PARD3B: variants seen among roughly 807,000 people sequenced by gnomAD.
PARD3B encodes partitioning defective 3 homolog B.
A neutral mutation model predicts 130.2 loss-of-function variants in PARD3B; 103 were observed. That is an observed-to-expected ratio of 0.79 (90% CI 0.67 to 0.93). PARD3B has a LOEUF of 0.93. PARD3B is among the 40% of genes least tolerant of loss of function. PARD3B has a pLI of 0.00. For missense variants in PARD3B, 1,609 were observed against 1,499.2 expected (o/e 1.07, Z -1.21); for synonymous variants, 583 against 553.2 (o/e 1.05, Z -0.76).
intron 3 of PARD3B, among the ~76,000 whole-genome samples, chr2:205,005,931 T>C (rs1268706323): frequency 6.6e-6 from 1 of 152,194 alleles, no homozygotes; most frequent in Non-Finnish European, 1.5e-5. Context: ...TACACTGCAC[T>C]CAATGTGTAG....
intron 18 of PARD3B, among the ~76,000 whole-genome samples, chr2:205,391,418 C>T (rs1025431195): frequency 6.6e-6 from 1 of 152,148 alleles, no homozygotes; most frequent in Non-Finnish European, 1.5e-5. Context: ...ACTTAAAAAT[C>T]ATAATCATGA....
intron 2 of PARD3B, among the ~76,000 whole-genome samples, chr2:204,895,944 G>A (rs926629854): frequency 1.3e-5 from 2 of 152,124 alleles, no homozygotes; most frequent in South Asian, 2.1e-4. Context: ...TATAAACAAA[G>A]GATAGTACTA....
intron 3 of PARD3B, among the ~76,000 whole-genome samples, chr2:204,974,109 A>G (rs1691938421): frequency 1.3e-5 from 2 of 152,212 alleles, no homozygotes; most frequent in Non-Finnish European, 2.9e-5. Flanking sequence ...TAAAAATATC[A>G]GAATAAATTC....
At chr2:204,904,412 C>T (rs1414580232) in intron 2 of PARD3B, among the ~76,000 whole-genome samples, 1 of 152,116 alleles carries the variant, frequency 6.6e-6, no homozygotes, top group Non-Finnish European at 1.5e-5. Flanking sequence ...ACCAGTAACC[C>T]AGGGGATATT....
chr2:205,007,876 T>A (rs1695403688), intron 3 of PARD3B, among the ~76,000 whole-genome samples: 1 of 152,164 alleles, frequency 6.6e-6, no homozygotes, highest in African/African-American at 2.4e-5. Context: ...TTTAGAAGTG[T>A]TTAATTGTTT....
At chr2:204,903,890 A>G (rs1028431172) in intron 2 of PARD3B, among the ~76,000 whole-genome samples, 1 of 152,148 alleles carries the variant, frequency 6.6e-6, no homozygotes, top group Non-Finnish European at 1.5e-5. Flanking sequence ...CCTCTACTCA[A>G]TGCTGAGATT....
Position 204,797,444 on chromosome 2 carries a change from A to G in PARD3B, c.222+111162A>G, listed in dbSNP as rs912267803. 2.6e-5 allele frequency among the ~76,000 whole-genome samples: 4 copies of G among 152,170 alleles called. 1 individual carries two copies. The highest frequency in any genetic ancestry group is 9.7e-5 in the African/African-American group (4 of 41,448). On this transcript the variant is annotated intron_variant, in intron 2 of 22. Transcript: ENST00000406610. ...AATCAGTTCAAAAACATTTTGTATC[A>G]TGAGGAGCTAAACATGTCTTATTTT...
At chr2:205,294,533 A>T (rs576634187) in intron 16 of PARD3B, among the ~76,000 whole-genome samples, 1 of 152,300 alleles carries the variant, frequency 6.6e-6, no homozygotes, top group Admixed American at 6.5e-5. Flanking sequence ...ACATTTGAAC[A>T]CACTTGAAGG....
chr2:205,498,900 G>A lies in PARD3B; in HGVS notation c.3045-996G>A, dbSNP rs2050047687. On this transcript the variant is annotated intron_variant, in intron 20 of 22. Coordinates refer to ENST00000406610, the MANE Select transcript of PARD3B (RefSeq NM_001302769.2). ...TGACCCCATGCAAATCTCTGTAAGAGCACAAGTCATAATGGACTGTAGTCT... is the reference window on the plus strand; with the variant it reads ...TGACCCCATGCAAATCTCTGTAAGAACACAAGTCATAATGGACTGTAGTCT... 2.0e-5 allele frequency among the ~76,000 whole-genome samples: 3 copies of A among 152,178 alleles called. No homozygotes were observed. The South Asian group carries it at 6.2e-4, about 32-fold the overall frequency.
At chr2:204,990,817 T>C in intron 3 of PARD3B, among the ~76,000 whole-genome samples, 1 of 152,226 alleles carries the variant, frequency 6.6e-6, no homozygotes, top group African/African-American at 2.4e-5. Context: ...GAGACTCTTC[T>C]ACTTTATATA....
intron 19 of PARD3B, among the ~76,000 whole-genome samples, chr2:205,435,760 A>G (rs1211226541): frequency 6.6e-6 from 1 of 152,074 alleles, no homozygotes; most frequent in East Asian, 1.9e-4. Context: ...TGTGATTTTC[A>G]TTAGTTTTTT....
chr2:205,506,915 A>G (rs1029565540), intron 21 of PARD3B, among the ~76,000 whole-genome samples: 7 of 152,192 alleles, frequency 4.6e-5, no homozygotes, highest in African/African-American at 1.4e-4. Flanking sequence ...ACTTCAGGCA[A>G]AGCTGGATCC....
At chr2:205,270,332 G>T (rs1045353347) in intron 16 of PARD3B, among the ~76,000 whole-genome samples, 2 of 152,068 alleles carry the variant, frequency 1.3e-5, no homozygotes, top group Non-Finnish European at 2.9e-5. Flanking sequence ...ACTTTGGGAG[G>T]CCGAGGCAGG....
rs574963681 is a variant in PARD3B at position 205,219,951 on chromosome 2, A to C, written c.2141-25827A>C. Among the ~76,000 whole-genome samples the C allele has an allele frequency of 5.3e-5, 8 of 152,318 alleles. No homozygotes were observed. The South Asian group carries it at 1.2e-3, about 24-fold the overall frequency. On this transcript the variant is annotated intron_variant, in intron 15 of 22. Transcript: ENST00000406610. ...TTGTCACGTTTGTAGGAGCCACATA[A>C]CTTGGTAGGTTAGCAAATCACACTG...
intron 2 of PARD3B, among the ~76,000 whole-genome samples, chr2:204,807,784 A>G (rs1316227942): frequency 1.3e-5 from 2 of 152,078 alleles, no homozygotes; most frequent in African/African-American, 4.8e-5. Flanking sequence ...GCTAAAAATT[A>G]AAACAATTTA....
At chr2:205,014,793 A>T (rs991322139) in intron 3 of PARD3B, among the ~76,000 whole-genome samples, 2 of 152,196 alleles carry the variant, frequency 1.3e-5, no homozygotes, top group Admixed American at 1.3e-4. Context: ...AGGCAAGAGT[A>T]TTCAGGAAAC....
intron 2 of PARD3B, among the ~76,000 whole-genome samples, chr2:204,763,281 G>T (rs956433284): frequency 1.3e-5 from 2 of 152,118 alleles, no homozygotes; most frequent in Non-Finnish European, 2.9e-5. Flanking sequence ...CAGTATATCT[G>T]CTACCTTAAG....
At chr2:205,350,975 A>T (rs188870170) in intron 18 of PARD3B, among the ~76,000 whole-genome samples, 2 of 152,320 alleles carry the variant, frequency 1.3e-5, no homozygotes, top group Admixed American at 6.5e-5. Context: ...ACTTTTTGGC[A>T]ATTAGTACTC....
At position 205,091,929 on chromosome 2, in the gene PARD3B, C is replaced by T. The variant is rs1472626172; in HGVS notation, c.505-12497C>T. Among the ~76,000 whole-genome samples, 1 of 152,130 alleles carries T rather than the reference C, an allele frequency of 6.6e-6. No homozygotes were observed. Among genetic ancestry groups the T allele is most frequent in the Non-Finnish European group, 1.5e-5 (1 of 68,008 alleles). ...TAAGGACTTGTGAACTGAATGATTC[C>T]TGTTTTGCTATGGGTTTGCTAGCCC... On this transcript the variant is annotated intron_variant, in intron 4 of 22. Coordinates refer to ENST00000406610, the MANE Select transcript of PARD3B (RefSeq NM_001302769.2). The surrounding 1 kb of genome is among the most constrained non-coding windows in gnomAD (Gnocchi z 4.2).
Sources: allele counts gnomAD v4.1 joint callset (sites outside exome capture counted in the v4.1 genomes callset), GRCh38; gene constraint gnomAD v4.1.1; non-coding constraint Gnocchi (gnomAD v3.1); transcripts MANE v1.5; gene names NCBI Gene and HGNC (gene_info 2026-07-23, HGNC 2026-07-21).